The following SLC27A6 variants were observed in gnomAD, a reference collection of about 807,000 sequenced individuals.
SLC27A6 encodes long-chain fatty acid transport protein 6.
A neutral mutation model predicts 63.9 loss-of-function variants in SLC27A6; 74 were observed. The ratio of observed to expected loss-of-function variants is 1.16; its 90% CI spans 0.96 to 1.40. The LOEUF (loss-of-function observed/expected upper bound fraction) is 1.40, where lower values mean the gene tolerates loss of function less well. SLC27A6 is among the 40% of genes most tolerant of loss of function. The pLI is 0.00. For synonymous variants in SLC27A6, 287 were observed against 260.8 expected, an observed-to-expected ratio of 1.10 and a Z score of -0.97; for missense variants, 794 against 732.9, an observed-to-expected ratio of 1.08 and a Z score of -0.96.
chr5:128,966,335 A>C lies in SLC27A6; in HGVS notation c.198A>C (p.Arg66Ser). 2 of 1,614,200 alleles carry C rather than the reference A, an allele frequency of 1.2e-6. No homozygotes were observed. Among genetic ancestry groups the C allele is most frequent in the Non-Finnish European group, 1.7e-6 (2 of 1,180,034 alleles). The change falls in exon 1 of 10, where the codon AGA becomes AGC. Residue 66 changes from arginine to serine, a missense_variant. Coordinates refer to ENST00000262462, the MANE Select transcript of SLC27A6 (RefSeq NM_001017372.3). Reference sequence around the variant, plus strand: ...ATAAATTCTTGAGTCATGCCAAAAGACAACCTCGGAAACCTTTCATCATCT... The same window carrying C: ...ATAAATTCTTGAGTCATGCCAAAAGCCAACCTCGGAAACCTTTCATCATCT... ...VLDKFLSHAK[R>S]QPRKPFIIYE... is the part of the protein sequence containing the mutation.
At chr5:128,986,917 G>C (rs1158716182) in intron 2 of SLC27A6, among the ~76,000 whole-genome samples, 1 of 151,998 alleles carries the variant, frequency 6.6e-6, no homozygotes, top group Non-Finnish European at 1.5e-5. Flanking sequence ...CTCAGAAATT[G>C]GGTACCAGGT....
chr5:129,025,070 T>A (rs965737106), intron 6 of SLC27A6, among the ~76,000 whole-genome samples: 1 of 152,180 alleles, frequency 6.6e-6, no homozygotes, highest in Admixed American at 6.5e-5. Flanking sequence ...TATAGTAATA[T>A]CTGATGTTAA....
rs756106137 is a variant in SLC27A6 at position 129,029,595 on chromosome 5, G to T, written c.1571G>T (p.Gly524Val). 1 of 1,580,294 alleles carries T rather than the reference G, an allele frequency of 6.3e-7. No homozygotes were observed. The highest frequency in any genetic ancestry group is 8.6e-7 in the Non-Finnish European group (1 of 1,166,104). ...VAISGYEGRA[G>V]MASIILKPNT... Reference sequence around the variant, plus strand: ...TTTTCAGGTTATGAAGGAAGAGCAGGAATGGCTTCTATTATTTTAAAACCA... The same window carrying T: ...TTTTCAGGTTATGAAGGAAGAGCAGTAATGGCTTCTATTATTTTAAAACCA... The change falls in exon 9 of 10, where the codon GGA becomes GTA. Residue 524 changes from glycine (G) to valine (V), a missense_variant. Transcript: ENST00000262462.
intron 1 of SLC27A6, among the ~76,000 whole-genome samples, chr5:128,982,125 T>C (rs1750615000): frequency 6.6e-6 from 1 of 152,154 alleles, no homozygotes; most frequent in South Asian, 2.1e-4. Flanking sequence ...AGATTCATTT[T>C]ATTAAGAAAG....
At chr5:128,970,350 G>A (rs111770333) in intron 1 of SLC27A6, among the ~76,000 whole-genome samples, 6 of 152,186 alleles carry the variant, frequency 3.9e-5, no homozygotes, top group African/African-American at 1.2e-4. Context: ...ATTCCTGTTT[G>A]TACCTCTGGT....
rs115321203 is a variant in SLC27A6 at position 129,018,197 on chromosome 5, A to G, written c.1164+2118A>G. On this transcript the variant is annotated intron_variant, in intron 5 of 9. Transcript: ENST00000262462. ...TGAAGAGATCTTTAAGAATCCCATA[A>G]TGCGAACTTTGGTGCTTTTTTGTCA... Among the ~76,000 whole-genome samples the G allele has an allele frequency of 4.7e-3, 717 of 152,190 alleles. 2 individuals carry two copies. Among genetic ancestry groups the G allele is most frequent in the African/African-American group, 0.016 (675 of 41,548 alleles).
intron 1 of SLC27A6, among the ~76,000 whole-genome samples, chr5:128,980,018 C>T (rs538401346): frequency 6.6e-6 from 1 of 152,234 alleles, no homozygotes; most frequent in Admixed American, 6.5e-5. Context: ...CATGGTCTGA[C>T]TTGGAAACAA....
In SLC27A6 at chr5:129,002,573, C is replaced by T. The variant is rs1471916351; in HGVS notation, c.969+12109C>T. On this transcript the variant is annotated intron_variant, in intron 4 of 9. Transcript: ENST00000262462. ...CCCTTCCTTTCTTCCTTCGTTCCTT[C>T]GTTCCTTCCTTCCATAAATGTGTTG... 2.7e-5 allele frequency among the ~76,000 whole-genome samples: 4 copies of T among 146,062 alleles called. No individual in the cohort carries two copies. In the East Asian group the frequency reaches 6.8e-4, roughly 25 times the overall value.
intron 1 of SLC27A6, among the ~76,000 whole-genome samples, chr5:128,973,859 C>T (rs4836425): frequency 0.086 from 13,142 of 152,232 alleles, 894 homozygotes; most frequent in East Asian, 0.23. Context: ...GCGTCGCTCA[C>T]GCTAGGAGCT....
At chr5:128,978,905 G>A (rs867506308) in intron 1 of SLC27A6, among the ~76,000 whole-genome samples, 1 of 152,008 alleles carries the variant, frequency 6.6e-6, no homozygotes, top group South Asian at 2.1e-4. Context: ...ACATATTACT[G>A]TGTTAGAATT....
chr5:128,989,180 G>A (rs1750891165), intron 3 of SLC27A6, among the ~76,000 whole-genome samples: 1 of 152,208 alleles, frequency 6.6e-6, no homozygotes, highest in South Asian at 2.1e-4. Context: ...GGCCAGCCTA[G>A]ATTCAAGATT....
intron 4 of SLC27A6, among the ~76,000 whole-genome samples, chr5:128,994,626 G>A (rs916741887): frequency 1.3e-5 from 2 of 152,184 alleles, no homozygotes; most frequent in African/African-American, 4.8e-5. Flanking sequence ...AAAATTGAAT[G>A]TCTCATAAGC....
chr5:129,005,814 G>A (rs1751503007), intron 4 of SLC27A6, among the ~76,000 whole-genome samples: 1 of 151,384 alleles, frequency 6.6e-6, no homozygotes, highest in African/African-American at 2.4e-5. Context: ...GGGTTTCACG[G>A]TGTTAGCCAG....
chr5:129,000,717 G>A (rs983281650), intron 4 of SLC27A6, among the ~76,000 whole-genome samples: 2 of 152,116 alleles, frequency 1.3e-5, no homozygotes, highest in Non-Finnish European at 2.9e-5. Flanking sequence ...GTTTTTCTGA[G>A]TTTCTAGGAA....
chr5:128,975,463 C>T (rs942501969), intron 1 of SLC27A6, among the ~76,000 whole-genome samples: 20 of 152,090 alleles, frequency 1.3e-4, no homozygotes, highest in Admixed American at 8.5e-4. Flanking sequence ...CACACCTAGG[C>T]GCTGTGGTAT....
At chr5:128,989,691 G>C (rs1050680629) in intron 3 of SLC27A6, among the ~76,000 whole-genome samples, 2 of 152,118 alleles carry the variant, frequency 1.3e-5, no homozygotes, top group African/African-American at 4.8e-5. Context: ...TTGGGAGGCT[G>C]AGGCAGGTGG....
intron 1 of SLC27A6, among the ~76,000 whole-genome samples, chr5:128,970,014 G>A (rs1750076413): frequency 6.6e-6 from 1 of 152,028 alleles, no homozygotes; most frequent in Non-Finnish European, 1.5e-5. Context: ...TGCATCTATT[G>A]AGATAATCAT....
At chr5:129,012,671 TTTATTA>T (rs1751762958) in intron 4 of SLC27A6, among the ~76,000 whole-genome samples, 1 of 152,184 alleles carries the variant, frequency 6.6e-6, no homozygotes, top group African/African-American at 2.4e-5. Flanking sequence ...AATTGACCCC[TTTATTA>T]TTATTAACTA....
Position 128,986,674 on chromosome 5 carries a change from T to A in SLC27A6, c.685+1338T>A, listed in dbSNP as rs534327937. 6.6e-5 allele frequency among the ~76,000 whole-genome samples: 10 copies of A among 152,334 alleles called. 1 individual carries two copies. Among genetic ancestry groups the A allele is most frequent in the Middle Eastern group, 3.4e-3 (1 of 294 alleles). ...GACTGAGGGAGCTTCTTTCTCAGAT[T>A]GTTCAGGCTACCTAATCAGGTCTAT... On this transcript the variant is annotated intron_variant, in intron 2 of 9. Transcript: ENST00000262462.
Sources: gnomAD v4.1 joint callset for allele counts (sites outside exome capture counted in the v4.1 genomes callset) on GRCh38, gnomAD v4.1.1 for gene constraint, MANE v1.5 for transcripts, NCBI Gene and HGNC (gene_info 2026-07-23, HGNC 2026-07-21) for gene names.